Variants in NEGR1 observed in about 807,000 individuals in gnomAD.
The protein encoded by NEGR1 is IgLON family member 4.
In NEGR1, 10 loss-of-function variants were observed where a neutral mutation model predicts 40.9. The observed-to-expected ratio is 0.24, with a 90% CI of 0.15 to 0.42. NEGR1 has a LOEUF of 0.42. Among genes scored for constraint, NEGR1 ranks in the 10% least tolerant of loss-of-function variants. NEGR1 has a pLI of 1.00. For synonymous variants in NEGR1, 185 were observed against 166.8 expected (o/e 1.11, Z -0.84); for missense variants, 352 against 438.9 (o/e 0.80, Z 1.77).
intron 4 of NEGR1, among the ~76,000 whole-genome samples, chr1:71,675,358 A>T (rs1652591893): frequency 6.6e-6 from 1 of 151,184 alleles, no homozygotes; most frequent in Non-Finnish European, 1.5e-5. Flanking sequence ...GAGCAGTACA[A>T]GAATAATTTC....
intron 1 of NEGR1, among the ~76,000 whole-genome samples, chr1:72,079,710 C>A (rs1326974856): frequency 6.6e-6 from 1 of 151,940 alleles, no homozygotes; most frequent in Admixed American, 6.6e-5. Context: ...GGAATGAAGA[C>A]CAAATATACC....
intron 4 of NEGR1, among the ~76,000 whole-genome samples, chr1:71,681,689 C>T (rs183221166): frequency 2.0e-5 from 3 of 152,226 alleles, no homozygotes; most frequent in Admixed American, 2.0e-4. Context: ...TGCCTATTTC[C>T]CACGTCCCTG....
chr1:71,825,013 T>C (rs1312019938), intron 2 of NEGR1, among the ~76,000 whole-genome samples: 1 of 151,910 alleles, frequency 6.6e-6, no homozygotes, highest in African/African-American at 2.4e-5. Flanking sequence ...TGGGTAAATA[T>C]CTAGGTGTGG....
intron 1 of NEGR1, among the ~76,000 whole-genome samples, chr1:72,012,689 T>C (rs1235373244): frequency 6.6e-6 from 1 of 151,862 alleles, no homozygotes; most frequent in East Asian, 1.9e-4. Context: ...ACACGTTCAC[T>C]TGTACTAAAG....
At position 72,012,842 on chromosome 1, in the gene NEGR1, C is replaced by CATATAT. The variant is rs375131531; in HGVS notation, c.177-77537_177-77532dup. ...ACACACACACACACATATATACATACATATATATATATATACACACACACA... is the reference window on the plus strand; with the variant it reads ...ACACACACACACACATATATACATACATATATATATATATATATATACACACACACA... On this transcript the variant is annotated intron_variant, in intron 1 of 6. Coordinates refer to ENST00000357731, the MANE Select transcript of NEGR1 (RefSeq NM_173808.3). 9.9e-3 allele frequency among the ~76,000 whole-genome samples: 1,392 copies of CATATAT among 140,170 alleles called. 9 individuals carry two copies. Among genetic ancestry groups the CATATAT allele is most frequent in the African/African-American group, 0.013 (487 of 38,120 alleles). 92.0% of individuals were successfully genotyped at this position (140,170 alleles called of 152,430 possible).
intron 3 of NEGR1, among the ~76,000 whole-genome samples, chr1:71,759,867 C>T (rs957098571): frequency 7.9e-5 from 12 of 151,864 alleles, no homozygotes; most frequent in Admixed American, 6.6e-4. Context: ...CCTCGGCCTC[C>T]CAAATTACTG....
rs1317070564 is a variant in NEGR1 at position 72,191,758 on chromosome 1, CAGGAG to C, written c.176+90556_176+90560del. On this transcript the variant is annotated intron_variant, in intron 1 of 6. Coordinates refer to ENST00000357731, the MANE Select transcript of NEGR1 (RefSeq NM_173808.3). ...AGCAGGCAACCTAAAAAGAGCATCA[CAGGAG>C]AAGGTAACCTTTTGTAAGGCCATTC... 3.0e-3 allele frequency among the ~76,000 whole-genome samples: 457 copies of C among 151,944 alleles called. 3 individuals are homozygous for C. Among genetic ancestry groups the C allele is most frequent in the African/African-American group, 0.011 (438 of 41,522 alleles).
At chr1:71,677,573 G>A (rs1330452690) in intron 4 of NEGR1, among the ~76,000 whole-genome samples, 2 of 152,010 alleles carry the variant, frequency 1.3e-5, no homozygotes, top group Non-Finnish European at 2.9e-5. Flanking sequence ...ACCACAAATA[G>A]GAATATTTCC....
At chr1:71,653,424 T>C (rs1651779693) in intron 4 of NEGR1, among the ~76,000 whole-genome samples, 1 of 152,200 alleles carries the variant, frequency 6.6e-6, no homozygotes, top group South Asian at 2.1e-4. Context: ...TTTCAGAAAT[T>C]CTTAGCCAAC....
intron 1 of NEGR1, among the ~76,000 whole-genome samples, chr1:72,049,639 G>A (rs999057926): frequency 1.1e-4 from 16 of 151,188 alleles, no homozygotes; most frequent in African/African-American, 3.7e-4. Flanking sequence ...CATTGTCATT[G>A]TACACATTGT....
chr1:71,854,847 G>A (rs1659713099), intron 2 of NEGR1, among the ~76,000 whole-genome samples: 1 of 152,078 alleles, frequency 6.6e-6, no homozygotes, highest in Non-Finnish European at 1.5e-5. Flanking sequence ...CTTCCACCAG[G>A]TCCGTCCCAG....
At chr1:71,866,056 C>A (rs1660101679) in intron 2 of NEGR1, among the ~76,000 whole-genome samples, 2 of 151,996 alleles carry the variant, frequency 1.3e-5, no homozygotes, top group Non-Finnish European at 2.9e-5. Flanking sequence ...GTTTGAAATA[C>A]CTTTCCTTTC....
rs1252205715 is a variant in NEGR1 at position 71,576,968 on chromosome 1, A to T, written c.940+15849T>A. ...TACAGTGATGCTATTCCAAGTGCTGAACTGTCTATTGTGGGCTTCCATATG... is the reference window on the plus strand; with the variant it reads ...TACAGTGATGCTATTCCAAGTGCTGTACTGTCTATTGTGGGCTTCCATATG... On this transcript the variant is annotated intron_variant, in intron 6 of 6. Transcript: ENST00000357731. Among the ~76,000 whole-genome samples, 3 of 152,198 alleles carry T rather than the reference A, an allele frequency of 2.0e-5. No homozygotes were observed. The East Asian group carries it at 5.8e-4, about 29-fold the overall frequency.
chr1:72,027,910 G>T (rs1339630706), intron 1 of NEGR1, among the ~76,000 whole-genome samples: 1 of 152,172 alleles, frequency 6.6e-6, no homozygotes. Flanking sequence ...GGATCCCCAG[G>T]TGATCTGTAT....
intron 2 of NEGR1, among the ~76,000 whole-genome samples, chr1:71,932,688 A>G (rs1645866871): frequency 6.6e-6 from 1 of 152,080 alleles, no homozygotes; most frequent in Non-Finnish European, 1.5e-5. Context: ...ATCAGTGATT[A>G]ATACAGTCTT....
intron 1 of NEGR1, among the ~76,000 whole-genome samples, chr1:72,157,847 C>A (rs1651415122): frequency 6.6e-6 from 1 of 152,120 alleles, no homozygotes; most frequent in Admixed American, 6.6e-5. Flanking sequence ...ACAAGTCAAC[C>A]TGATAGACAA....
chr1:72,205,865 C>A (rs924392216), intron 1 of NEGR1, among the ~76,000 whole-genome samples: 3 of 149,580 alleles, frequency 2.0e-5, no homozygotes, highest in African/African-American at 7.4e-5. Flanking sequence ...AGTGCTTGGG[C>A]CAGGGAGGTC....
intron 6 of NEGR1, among the ~76,000 whole-genome samples, chr1:71,471,604 C>T (rs1646782611): frequency 6.6e-6 from 1 of 152,058 alleles, no homozygotes; most frequent in Admixed American, 6.6e-5. Flanking sequence ...CACAGGACTC[C>T]AGCCTGGGCG....
intron 1 of NEGR1, among the ~76,000 whole-genome samples, chr1:71,979,986 T>C (rs1013197777): frequency 6.6e-6 from 1 of 152,098 alleles, no homozygotes; most frequent in African/African-American, 2.4e-5. Context: ...ACAAAGAATA[T>C]TGTTAACCAT....
Sources: gnomAD v4.1 joint callset for allele counts (sites outside exome capture counted in the v4.1 genomes callset) on GRCh38, gnomAD v4.1.1 for gene constraint, MANE v1.5 for transcripts, NCBI Gene and HGNC (gene_info 2026-07-23, HGNC 2026-07-21) for gene names.